Variants in CACNA1E observed in about 807,000 individuals in gnomAD.
CACNA1E encodes voltage-dependent R-type calcium channel subunit alpha-1E.
In CACNA1E, 40 loss-of-function variants were observed where a neutral mutation model predicts 259.2. The observed-to-expected ratio is 0.15, with a 90% CI of 0.12 to 0.20. The LOEUF (loss-of-function observed/expected upper bound fraction) is 0.20. CACNA1E is among the 10% of genes least tolerant of loss of function. The pLI, the probability that CACNA1E is intolerant of heterozygous loss-of-function variation, is 1.00. For synonymous variants in CACNA1E, 1,104 were observed against 1,138.5 expected, an observed-to-expected ratio of 0.97 and a Z score of 0.61; for missense variants, 1,874 against 3,040.1, an observed-to-expected ratio of 0.62 and a Z score of 9.02.
At chr1:181,533,366 A>C (rs1182483479) in intron 3 of CACNA1E, among the ~76,000 whole-genome samples, 1 of 148,018 alleles carries the variant, frequency 6.8e-6, no homozygotes, top group Non-Finnish European at 1.5e-5. Context: ...TCACTTCCCA[A>C]CTCCACTGAG....
At chr1:181,695,428 A>T (rs1290528243) in intron 7 of CACNA1E, among the ~76,000 whole-genome samples, 1 of 152,234 alleles carries the variant, frequency 6.6e-6, no homozygotes, top group Non-Finnish European at 1.5e-5. Flanking sequence ...GAACAATTCT[A>T]AAAAGAGAAC....
intron 1 of CACNA1E, among the ~76,000 whole-genome samples, chr1:181,509,387 C>T (rs568438507): frequency 6.6e-6 from 1 of 152,304 alleles, no homozygotes; most frequent in East Asian, 1.9e-4. Context: ...CACAGCCTGT[C>T]TGGGTATGTG....
intron 45 of CACNA1E, among the ~76,000 whole-genome samples, chr1:181,794,296 T>C (rs1253147553): frequency 1.3e-5 from 2 of 152,236 alleles, no homozygotes; most frequent in Non-Finnish European, 2.9e-5. Context: ...TTAATATCTG[T>C]GGCAAATCAA....
intron 6 of CACNA1E, among the ~76,000 whole-genome samples, chr1:181,602,879 T>C (rs146468800): frequency 1.9e-4 from 29 of 152,312 alleles, no homozygotes; most frequent in African/African-American, 5.5e-4. Flanking sequence ...CAACCATTCA[T>C]TGAGTCCACA....
At chr1:181,317,718 T>C (rs1000918117) in exon 1 of CACNA1E, 1 of 148,030 alleles carries the variant, frequency 6.8e-6, no homozygotes, top group Admixed American at 6.7e-5. Flanking sequence ...GTGCCGCCCG[T>C]GTCTGGACAG....
intron 1 of CACNA1E, among the ~76,000 whole-genome samples, chr1:181,389,518 G>C (rs937603372): frequency 6.6e-6 from 1 of 152,220 alleles, no homozygotes; most frequent in Non-Finnish European, 1.5e-5. Context: ...AATTAATGAG[G>C]ATGGACTGTA....
chr1:181,737,390 A>G, intron 22 of CACNA1E, 135 bp from the exon 23 acceptor site: 1 of 960,278 alleles, frequency 1.0e-6, no homozygotes, highest in South Asian at 1.7e-5. Context: ...GAGAAATTAA[A>G]TTGCTCTCCC....
intron 39 of CACNA1E, 56 bp downstream of exon 39, chr1:181,781,579 T>C: frequency 1.1e-6 from 1 of 925,836 alleles, no homozygotes; most frequent in African/African-American, 1.6e-5. Flanking sequence ...TGGGATCTAG[T>C]TGTGGGGAGG....
intron 38 of CACNA1E, chr1:181,779,681 T>C: frequency 3.8e-6 from 1 of 264,160 alleles, no homozygotes; most frequent in Non-Finnish European, 8.0e-6. Context: ...GTCCAAACCC[T>C]TCCAGAACCA....
chr1:181,632,462 C>T (rs1656839657), intron 6 of CACNA1E, among the ~76,000 whole-genome samples: 1 of 152,184 alleles, frequency 6.6e-6, no homozygotes. Context: ...CCCCAAGGAG[C>T]TTATGCCCCT....
chr1:181,662,089 C>T (rs989717060), intron 7 of CACNA1E, among the ~76,000 whole-genome samples: 1 of 152,180 alleles, frequency 6.6e-6, no homozygotes, highest in African/African-American at 2.4e-5. Flanking sequence ...AATTCCTACA[C>T]TGATGAGAAG....
At chr1:181,339,648 C>T (rs1440653196) in intron 1 of CACNA1E, among the ~76,000 whole-genome samples, 2 of 135,882 alleles carry the variant, frequency 1.5e-5, no homozygotes, top group Non-Finnish European at 3.3e-5. Flanking sequence ...TACTAATATA[C>T]TGTGTTACCA....
chr1:181,665,619 C>A (rs1295473013), intron 7 of CACNA1E, among the ~76,000 whole-genome samples: 1 of 151,978 alleles, frequency 6.6e-6, no homozygotes, highest in Non-Finnish European at 1.5e-5. Flanking sequence ...ATTGTTCTCA[C>A]CACAAAGAAA....
intron 7 of CACNA1E, among the ~76,000 whole-genome samples, chr1:181,674,651 T>G (rs1649190404): frequency 6.6e-6 from 1 of 152,136 alleles, no homozygotes; most frequent in Admixed American, 6.5e-5. Context: ...TTATCTGACC[T>G]CTTCCTGCGA....
intron 6 of CACNA1E, among the ~76,000 whole-genome samples, chr1:181,590,444 G>A (rs1295052447): frequency 7.1e-6 from 1 of 141,836 alleles, no homozygotes; most frequent in Non-Finnish European, 1.5e-5. Flanking sequence ...TATTGTATTT[G>A]ACTGATGAGT....
At chr1:181,669,128 T>C (rs1248015707) in intron 7 of CACNA1E, 1 of 152,160 alleles carries the variant, frequency 6.6e-6, no homozygotes, top group African/African-American at 2.4e-5. Context: ...AAAACTAACA[T>C]TGGTTGGGTA....
intron 7 of CACNA1E, among the ~76,000 whole-genome samples, chr1:181,688,559 A>C (rs1028924192): frequency 6.6e-6 from 1 of 152,222 alleles, no homozygotes; most frequent in Non-Finnish European, 1.5e-5. Flanking sequence ...ACATATTTAC[A>C]AGGTACAAAG....
chr1:181,579,179 T>TGGCAAG lies in CACNA1E; in HGVS notation c.724_725insGGCAAG (p.Phe242delinsTrpGlnVal). On this transcript the variant is annotated protein_altering_variant, in exon 5 of 48. Coordinates refer to ENST00000367573, the MANE Select transcript of CACNA1E (RefSeq NM_001205293.3). ...GATGTTTGCTATCATTGGTTTGGAG[T>TGGCAAG]TCTACAGTGGCAAGTTACATCGAGC... is the stretch of plus-strand genomic sequence containing the variant. 6.2e-7 allele frequency: 1 copy of TGGCAAG among 1,613,786 alleles called. No individual in the cohort carries two copies. Among genetic ancestry groups the TGGCAAG allele is most frequent in the Non-Finnish European group, 8.5e-7 (1 of 1,179,728 alleles).
chr1:181,694,073 A>C (rs1393066852), intron 7 of CACNA1E, among the ~76,000 whole-genome samples: 1 of 152,220 alleles, frequency 6.6e-6, no homozygotes, highest in African/African-American at 2.4e-5. Context: ...ATGTAATGAG[A>C]AAATAACAAT....
Sources: gnomAD v4.1 joint callset for allele counts (sites outside exome capture counted in the v4.1 genomes callset) on GRCh38, gnomAD v4.1.1 for gene constraint, MANE v1.5 for transcripts, NCBI Gene and HGNC (gene_info 2026-07-23, HGNC 2026-07-21) for gene names.